TRERF1: variants seen among roughly 807,000 people sequenced by gnomAD.
TRERF1 encodes transcriptional-regulating factor 1.
Under a neutral mutation model 122.9 loss-of-function variants are expected in TRERF1, and 27 were observed. The observed-to-expected ratio is 0.22, with a 90% CI of 0.16 to 0.30. The LOEUF is 0.30. TRERF1 is among the 10% of genes least tolerant of loss of function. The pLI is 1.00. For synonymous variants in TRERF1, 636 were observed against 641.7 expected (o/e 0.99, Z 0.13); for missense variants, 1,248 against 1,560.3 (o/e 0.80, Z 3.37).
chr6:42,228,682 A>T lies in TRERF1; in HGVS notation c.3279-13T>A. On this transcript the variant is annotated splice_polypyrimidine_tract_variant and intron_variant, in intron 17 of 17. Transcript: ENST00000372922. This position sits in a 1 kb window ranked among gnomAD's most constrained non-coding sequence, Gnocchi z 4.2. ...CTTGAAGAAGACTCTAAAAATAAAG[A>T]AAGAGAGGTGTGTAGAATTTAGAAG... The T allele has an allele frequency of 6.3e-7, 1 of 1,579,836 alleles. No homozygotes were observed. Among genetic ancestry groups the T allele is most frequent in the Non-Finnish European group, 8.6e-7 (1 of 1,165,088 alleles).
At position 42,393,857 on chromosome 6, in the gene TRERF1, T is replaced by C. The variant is rs1778144795; in HGVS notation, c.-453-30778A>G. Among the ~76,000 whole-genome samples the C allele has an allele frequency of 2.0e-5, 3 of 149,474 alleles. No individual in the cohort carries two copies. The South Asian group carries it at 6.3e-4, about 31-fold the overall frequency. On this transcript the variant is annotated intron_variant, in intron 2 of 17. Coordinates refer to ENST00000372922, the Ensembl canonical transcript of TRERF1. This position sits in a 1 kb window ranked among gnomAD's most constrained non-coding sequence, Gnocchi z 4.1. ...GCACATTACATAACAATATGTGCAA[T>C]ATGATTCCAGTTCTGTAAAAATGAA... is the stretch of plus-strand genomic sequence containing the variant.
intron 3 of TRERF1, among the ~76,000 whole-genome samples, chr6:42,350,405 C>T (rs905104678): frequency 1.9e-4 from 29 of 152,314 alleles, no homozygotes; most frequent in African/African-American, 6.5e-4. Context: ...AGCTCTAACA[C>T]GAAAAATGGC....
chr6:42,279,134 T>C (rs549230633), intron 4 of TRERF1, among the ~76,000 whole-genome samples: 1 of 152,106 alleles, frequency 6.6e-6, no homozygotes, highest in East Asian at 1.9e-4. Context: ...GGAGCCACAA[T>C]ATAGGGCTTG....
At chr6:42,285,429 C>A (rs563024461) in intron 4 of TRERF1, among the ~76,000 whole-genome samples, 3 of 152,156 alleles carry the variant, frequency 2.0e-5, no homozygotes, top group African/African-American at 7.2e-5. Context: ...CGTCTGCAAA[C>A]AGGGACAATT....
chr6:42,273,850 C>A (rs1421147378), intron 4 of TRERF1, among the ~76,000 whole-genome samples: 2 of 152,190 alleles, frequency 1.3e-5, no homozygotes, highest in Non-Finnish European at 2.9e-5. Flanking sequence ...GAAACTCACC[C>A]GACTTTGAGC....
intron 16 of TRERF1, among the ~76,000 whole-genome samples, chr6:42,235,456 T>C (rs1392596983): frequency 3.3e-5 from 5 of 152,198 alleles, no homozygotes; most frequent in African/African-American, 1.2e-4. Flanking sequence ...TATGGAGCCT[T>C]AGACAAGGCC....
At chr6:42,260,516 G>A (rs1440582692) in intron 8 of TRERF1, among the ~76,000 whole-genome samples, 1 of 152,208 alleles carries the variant, frequency 6.6e-6, no homozygotes, top group Admixed American at 6.5e-5. Context: ...AAACAGATGA[G>A]CAGGGCATGC....
At chr6:42,335,362 C>T (rs1765950098) in intron 3 of TRERF1, among the ~76,000 whole-genome samples, 1 of 152,220 alleles carries the variant, frequency 6.6e-6, no homozygotes, top group African/African-American at 2.4e-5. Context: ...TACTAGTACT[C>T]ACAGTGCACC....
chr6:42,242,945 C>A (rs1774019264), intron 15 of TRERF1, among the ~76,000 whole-genome samples: 1 of 152,118 alleles, frequency 6.6e-6, no homozygotes, highest in African/African-American at 2.4e-5. Flanking sequence ...CAATCATAAA[C>A]CAACAAACCC....
chr6:42,244,483 C>G (rs1015086051), intron 14 of TRERF1, among the ~76,000 whole-genome samples: 2 of 152,210 alleles, frequency 1.3e-5, no homozygotes, highest in African/African-American at 4.8e-5. Context: ...TGTGCCTGGC[C>G]TCCAGAATTT....
chr6:42,233,318 C>T (rs1315493797), intron 16 of TRERF1, among the ~76,000 whole-genome samples: 1 of 145,202 alleles, frequency 6.9e-6, no homozygotes, highest in Non-Finnish European at 1.5e-5. Context: ...CAGAGTCTCG[C>T]TCTGTCACCC....
intron 2 of TRERF1, among the ~76,000 whole-genome samples, chr6:42,436,695 T>C (rs1023264202): frequency 2.0e-5 from 3 of 150,980 alleles, no homozygotes; most frequent in Admixed American, 1.3e-4. Context: ...TATATTAAAA[T>C]GTTAACAGGG....
chr6:42,319,247 T>A (rs979908192), intron 3 of TRERF1, among the ~76,000 whole-genome samples: 1 of 152,262 alleles, frequency 6.6e-6, no homozygotes, highest in Admixed American at 6.5e-5. Context: ...GATTTATGCA[T>A]CAAAATGTAA....
chr6:42,366,021 G>A (rs188878982), intron 2 of TRERF1, among the ~76,000 whole-genome samples: 1 of 152,158 alleles, frequency 6.6e-6, no homozygotes, highest in East Asian at 1.9e-4. Context: ...CACCCCATCT[G>A]TAATCCCCTG....
intron 3 of TRERF1, among the ~76,000 whole-genome samples, chr6:42,358,947 A>C (rs892976671): frequency 6.6e-6 from 1 of 152,198 alleles, no homozygotes; most frequent in Admixed American, 6.5e-5. Flanking sequence ...AACAACCTAC[A>C]GAAGACGGAA....
chr6:42,241,469 T>A (rs1773680179), intron 15 of TRERF1, among the ~76,000 whole-genome samples: 1 of 123,490 alleles, frequency 8.1e-6, no homozygotes, highest in Non-Finnish European at 1.7e-5. Flanking sequence ...TGAGTCCAAT[T>A]TTTTTTTTTC....
chr6:42,394,833 G>A (rs534522629), intron 2 of TRERF1, among the ~76,000 whole-genome samples: 11 of 152,044 alleles, frequency 7.2e-5, no homozygotes, highest in East Asian at 1.9e-4. Context: ...TCAGCTCTGC[G>A]CTCAACCCTC....
At chr6:42,323,970 A>G (rs1428990004) in intron 3 of TRERF1, among the ~76,000 whole-genome samples, 1 of 152,204 alleles carries the variant, frequency 6.6e-6, no homozygotes, top group Non-Finnish European at 1.5e-5. Context: ...TGATCAAGTG[A>G]CATGTTTGAG....
chr6:42,330,538 G>C (rs1765074840), intron 3 of TRERF1, among the ~76,000 whole-genome samples: 1 of 152,184 alleles, frequency 6.6e-6, no homozygotes, highest in Non-Finnish European at 1.5e-5. Context: ...TTTATAAAGA[G>C]AATTTTAGCA....
Sources: allele counts gnomAD v4.1 joint callset (sites outside exome capture counted in the v4.1 genomes callset), GRCh38; gene constraint gnomAD v4.1.1; non-coding constraint Gnocchi (gnomAD v3.1); transcripts MANE v1.5; gene names NCBI Gene and HGNC (gene_info 2026-07-23, HGNC 2026-07-21).